The following UNC13B variants were observed in gnomAD, a reference collection of about 807,000 sequenced individuals.
UNC13B encodes unc-13 homolog B.
Under a neutral mutation model 211.0 loss-of-function variants are expected in UNC13B, and 144 were observed. The ratio of observed to expected loss-of-function variants is 0.68; its 90% confidence interval spans 0.60 to 0.78. The LOEUF is 0.78. UNC13B is among the 30% of genes least tolerant of loss of function. The probability of loss-of-function intolerance (pLI) is 0.00; values close to 1 mark genes in which losing one functional copy is unlikely to be tolerated. For missense variants in UNC13B, 1,777 were observed against 2,002.0 expected (o/e 0.89, Z 2.14); for synonymous variants, 709 against 725.8 (o/e 0.98, Z 0.37).
intron 10 of UNC13B, among the ~76,000 whole-genome samples, chr9:35,312,254 T>C (rs1376201560): frequency 6.6e-6 from 1 of 152,142 alleles, no homozygotes; most frequent in African/African-American, 2.4e-5. Context: ...AATTAGGGAG[T>C]GACTGGTGCT....
At chr9:35,338,988 A>G (rs183259140) in intron 11 of UNC13B, among the ~76,000 whole-genome samples, 32 of 152,308 alleles carry the variant, frequency 2.1e-4, no homozygotes, top group Admixed American at 7.2e-4. Flanking sequence ...TTTGTATGCC[A>G]GGTGGTTTTC....
intron 1 of UNC13B, among the ~76,000 whole-genome samples, chr9:35,201,843 T>C (rs1823318192): frequency 6.6e-6 from 1 of 152,182 alleles, no homozygotes; most frequent in Non-Finnish European, 1.5e-5. Context: ...TCTCCTTCAG[T>C]TCTGCTCTGA....
intron 1 of UNC13B, among the ~76,000 whole-genome samples, chr9:35,180,416 G>T (rs1821870412): frequency 6.6e-6 from 1 of 152,098 alleles, no homozygotes; most frequent in Admixed American, 6.5e-5. Flanking sequence ...AAGATATATG[G>T]CTGCTTTGCA....
At chr9:35,230,658 C>T (rs554661768) in intron 2 of UNC13B, among the ~76,000 whole-genome samples, 1 of 151,944 alleles carries the variant, frequency 6.6e-6, no homozygotes, top group African/African-American at 2.4e-5. Context: ...TCTCTTTCTA[C>T]ATTTTATTAA....
intron 11 of UNC13B, chr9:35,353,283 G>A (rs927468901): frequency 5.1e-5 from 63 of 1,232,098 alleles, no homozygotes; most frequent in Non-Finnish European, 6.0e-5. Context: ...AAACTGGGCC[G>A]AGCAATTCAC....
intron 11 of UNC13B, among the ~76,000 whole-genome samples, chr9:35,338,755 C>T (rs1156738910): frequency 2.0e-5 from 3 of 152,138 alleles, no homozygotes; most frequent in African/African-American, 7.2e-5. Flanking sequence ...TGATATTGGA[C>T]AATAAGGTAA....
At chr9:35,259,084 A>G in intron 7 of UNC13B, 34 bp downstream of exon 7, 1 of 1,609,226 alleles carries the variant, frequency 6.2e-7, no homozygotes, top group African/African-American at 1.3e-5. Context: ...ATCTCTTTTA[A>G]TTGTAGCTTT....
At chr9:35,349,196 G>A (rs1042022245) in intron 11 of UNC13B, among the ~76,000 whole-genome samples, 5 of 152,126 alleles carry the variant, frequency 3.3e-5, no homozygotes, top group Non-Finnish European at 5.9e-5. Flanking sequence ...GATTACAGGC[G>A]AGAGCCACCA....
chr9:35,257,195 A>C (rs1395693208), intron 6 of UNC13B, among the ~76,000 whole-genome samples: 1 of 151,474 alleles, frequency 6.6e-6, no homozygotes, highest in Admixed American at 6.6e-5. Flanking sequence ...GCAGTGGCTC[A>C]CACCTGTAAT....
At chr9:35,206,348 A>T (rs1823640740) in intron 1 of UNC13B, among the ~76,000 whole-genome samples, 1 of 152,096 alleles carries the variant, frequency 6.6e-6, no homozygotes, top group African/African-American at 2.4e-5. Flanking sequence ...TCATCATCCC[A>T]AGAAAAATAC....
chr9:35,387,305 A>G (rs1835253177), intron 24 of UNC13B, among the ~76,000 whole-genome samples: 1 of 152,202 alleles, frequency 6.6e-6, no homozygotes, highest in South Asian at 2.1e-4. Context: ...TGTCTTGGAC[A>G]TTTATCTTTA....
At chr9:35,360,304 G>GTTCCATAA (rs1833325240) in intron 11 of UNC13B, among the ~76,000 whole-genome samples, 1 of 152,184 alleles carries the variant, frequency 6.6e-6, no homozygotes, top group African/African-American at 2.4e-5. Flanking sequence ...AGCAGACCCT[G>GTTCCATAA]GAACAAGAAT....
chr9:35,300,088 C>T (rs1829598168), intron 8 of UNC13B, 78 bp from the exon 9 acceptor site: 1 of 397,628 alleles, frequency 2.5e-6, no homozygotes, highest in Non-Finnish European at 4.4e-6. Flanking sequence ...AGTATAAGAA[C>T]AGGAAAAAGA....
At chr9:35,347,289 A>C (rs1832418031) in intron 11 of UNC13B, among the ~76,000 whole-genome samples, 1 of 152,230 alleles carries the variant, frequency 6.6e-6, no homozygotes, top group South Asian at 2.1e-4. Flanking sequence ...AATGTATTAG[A>C]GAGCAGGTAC....
Position 35,305,129 on chromosome 9 carries a change from G to T in UNC13B, c.5725G>T (p.Glu1909Ter). The T allele has an allele frequency of 2.5e-6, 1 of 398,922 alleles. No homozygotes were observed. Among genetic ancestry groups the T allele is most frequent in the Admixed American group, 4.4e-5 (1 of 22,714 alleles). The allele number at this position is 398,922 out of a possible 1,614,324, so 24.7% of individuals were successfully genotyped here. A position where few individuals can be genotyped will look rare whatever the true frequency, so the allele number is the denominator to read the frequency against. Reference protein sequence around the residue: ...YELPQGQSSKESDKTLFKSSL... With the variant: ...YELPQGQSSK ...GCTTCCCCAGGGCCAGTCATCCAAAGAGTCTGATAAAACATTATTTAAAAG... is the reference window on the plus strand; with the variant it reads ...GCTTCCCCAGGGCCAGTCATCCAAATAGTCTGATAAAACATTATTTAAAAG... The change falls in exon 9 of 40, where the codon GAG becomes TAG. Residue 1909 changes from glutamate to a stop codon, truncating the protein, a stop_gained. Coordinates refer to ENST00000635942, the MANE Select transcript of UNC13B (RefSeq NM_001371189.2). LOFTEE classifies it high-confidence loss of function.
In UNC13B at chr9:35,305,435, G is replaced by C. The variant is rs1358087012; in HGVS notation, c.6031G>C (p.Asp2011His). Residue 2011 changes from aspartate (D) to histidine (H), a missense_variant, in exon 9 of 40, where the codon GAT becomes CAT. Transcript: ENST00000635942. ...NTSVSSMTIK[D>H]EVRSSPTPME... ...GTCTGTTTCTTCAATGACTATTAAGGATGAGGTCAGGTCAAGTCCTACTCC... is the reference window on the plus strand; with the variant it reads ...GTCTGTTTCTTCAATGACTATTAAGCATGAGGTCAGGTCAAGTCCTACTCC... 1 of 398,858 alleles carries C rather than the reference G, an allele frequency of 2.5e-6. No homozygotes were observed. Among genetic ancestry groups the C allele is most frequent in the Non-Finnish European group, 4.4e-6 (1 of 226,016 alleles). The allele number at this position is 398,858 out of a possible 1,614,324, so 24.7% of individuals were successfully genotyped here.
intron 1 of UNC13B, among the ~76,000 whole-genome samples, chr9:35,163,450 G>T (rs1001801082): frequency 1.3e-5 from 2 of 152,178 alleles, no homozygotes; most frequent in Admixed American, 6.5e-5. Flanking sequence ...CATTTCCCGG[G>T]ATTATGAGAT....
At position 35,403,595 on chromosome 9, in the gene UNC13B, C is replaced by T. The variant is rs576351913; in HGVS notation, c.12733C>T (p.His4245Tyr). ...GGCCCCCAAGTACAATGAGACATTC[C>T]ACTTGTAAGTTACGGGGGGGACATA... Reference protein sequence around the residue: ...NWAPKYNETFHFLLGNEEGPE... With the variant: ...NWAPKYNETFYFLLGNEEGPE... Residue 4245 changes from histidine to tyrosine, a missense_variant, in exon 39 of 40, where the codon CAC (histidine) becomes TAC (tyrosine). Physicochemically the swap from His to Tyr is moderately conservative, Grantham distance 83. Transcript: ENST00000635942. The T allele has an allele frequency of 3.1e-5, 49 of 1,602,238 alleles. No homozygotes were observed. The African/African-American group carries it at 6.0e-4, about 20-fold the overall frequency.
At chr9:35,352,468 C>G (rs1040006526) in intron 11 of UNC13B, 1 of 1,232,008 alleles carries the variant, frequency 8.1e-7, no homozygotes, top group East Asian at 3.2e-5. Flanking sequence ...ATAAGAATCC[C>G]CAGAAGGAGT....
Sources: allele counts gnomAD v4.1 joint callset (sites outside exome capture counted in the v4.1 genomes callset), GRCh38; gene constraint gnomAD v4.1.1; transcripts MANE v1.5; gene names NCBI Gene and HGNC (gene_info 2026-07-23, HGNC 2026-07-21).